The following MAPT variants were observed in gnomAD, a reference collection of about 807,000 sequenced individuals.
The protein encoded by MAPT is microtubule associated protein tau, also known as microtubule-associated protein tau.
MAPT carries 34 observed loss-of-function variants against 67.9 expected under a neutral mutation model. The ratio of observed to expected loss-of-function variants is 0.50; its 90% CI spans 0.38 to 0.67. MAPT has a LOEUF of 0.67. Among genes scored for constraint, MAPT ranks in the 30% least tolerant of loss-of-function variants. The probability of loss-of-function intolerance (pLI) is 0.00; values close to 1 mark genes in which losing one functional copy is unlikely to be tolerated. For synonymous variants in MAPT, 456 were observed against 464.5 expected, an observed-to-expected ratio of 0.98 and a Z score of 0.23; for missense variants, 881 against 1,115.2, an observed-to-expected ratio of 0.79 and a Z score of 2.99.
At chr17:45,917,149 A>T (rs949747254) in intron 1 of MAPT, among the ~76,000 whole-genome samples, 9 of 151,130 alleles carry the variant, frequency 6.0e-5, no homozygotes, top group Non-Finnish European at 1.2e-4. Flanking sequence ...AGTGAGAAGA[A>T]CTCTTTCCCT....
chr17:45,983,325 G>A lies in MAPT; in HGVS notation c.746G>A (p.Gly249Glu). The change falls in exon 5 of 13, where the codon GGA becomes GAA. Residue 249 changes from glycine to glutamate, a missense_variant. Coordinates refer to ENST00000262410, the MANE Select transcript of MAPT (RefSeq NM_001377265.1). ...REATRQPSGT[G>E]PEDTEGGRHA... Reference sequence around the variant, plus strand: ...GCCACACGCCAACCTTCGGGGACAGGACCTGAGGACACAGAGGGCGGCCGC... The same window carrying A: ...GCCACACGCCAACCTTCGGGGACAGAACCTGAGGACACAGAGGGCGGCCGC... The A allele has an allele frequency of 6.2e-7, 1 of 1,602,338 alleles. No individual in the cohort carries two copies. The highest frequency in any genetic ancestry group is 8.5e-7 in the Non-Finnish European group (1 of 1,175,028).
chr17:45,974,339 T>G, intron 3 of MAPT: 1 of 1,348,120 alleles, frequency 7.4e-7, no homozygotes, highest in East Asian at 2.5e-5. Context: ...AGGGGCTGGG[T>G]ATGGCTCGTC....
chr17:45,926,491 A>G (rs2066303158), intron 1 of MAPT, among the ~76,000 whole-genome samples: 1 of 151,438 alleles, frequency 6.6e-6, no homozygotes, highest in Non-Finnish European at 1.5e-5. Flanking sequence ...TTTATTTTTT[A>G]TTTTTAGAGA....
At chr17:45,970,990 A>T (rs1033574712) in intron 2 of MAPT, among the ~76,000 whole-genome samples, 4 of 152,136 alleles carry the variant, frequency 2.6e-5, no homozygotes, top group African/African-American at 9.7e-5. Flanking sequence ...AGAATTCTCA[A>T]CCTTCCAGAG....
At chr17:45,993,000 T>A (rs1159072884) in intron 8 of MAPT, among the ~76,000 whole-genome samples, 1 of 151,914 alleles carries the variant, frequency 6.6e-6, no homozygotes, top group African/African-American at 2.4e-5. Context: ...TCCAGGCCCC[T>A]GGGTTTAGAC....
intron 1 of MAPT, among the ~76,000 whole-genome samples, chr17:45,901,810 C>T (rs1411114868): frequency 6.6e-6 from 1 of 152,080 alleles, no homozygotes; most frequent in Non-Finnish European, 1.5e-5. Context: ...GTCTGTTTTG[C>T]CTATGCCACA....
At chr17:45,942,901 A>G (rs1163496967) in intron 1 of MAPT, among the ~76,000 whole-genome samples, 1 of 152,216 alleles carries the variant, frequency 6.6e-6, no homozygotes, top group Non-Finnish European at 1.5e-5. Flanking sequence ...ACAGCTCCTA[A>G]GTGAAGGATT....
chr17:45,943,527 GT>G (rs1449065626), intron 1 of MAPT, among the ~76,000 whole-genome samples: 1 of 152,172 alleles, frequency 6.6e-6, no homozygotes, highest in African/African-American at 2.4e-5. Flanking sequence ...AAAATTAGAA[GT>G]GAAAACATCT....
At chr17:45,909,842 C>A (rs1005978886) in intron 1 of MAPT, among the ~76,000 whole-genome samples, 4 of 140,514 alleles carry the variant, frequency 2.8e-5, no homozygotes, top group African/African-American at 1.0e-4. Context: ...TGCACTCCAG[C>A]CTGGTTGACA....
At chr17:46,015,178 G>A (rs906432267) in intron 11 of MAPT, among the ~76,000 whole-genome samples, 1 of 151,670 alleles carries the variant, frequency 6.6e-6, no homozygotes, top group Non-Finnish European at 1.5e-5. Context: ...TGGCCAACAT[G>A]GTGAAACCCC....
Position 45,990,053 on chromosome 17 carries a change from G to C in MAPT, c.1583G>C (p.Gly528Ala). The change falls in exon 7 of 13, where the codon GGA becomes GCA. Residue 528 changes from glycine (G) to alanine (A), a missense_variant. By Grantham distance (60) the Gly-to-Ala change is moderately conservative. Transcript: ENST00000262410. ...GTCACTTCCCGAACTGGCAGTTCTG[G>C]AGCAAAGGAGATGAAACTCAAGGTA... ...SSVTSRTGSS[G>A]AKEMKLKGAD... 6.2e-7 allele frequency: 1 copy of C among 1,614,136 alleles called. No individual in the cohort carries two copies. Among genetic ancestry groups the C allele is most frequent in the Non-Finnish European group, 8.5e-7 (1 of 1,180,030 alleles).
chr17:45,949,885 C>T (rs1413756960), intron 1 of MAPT, among the ~76,000 whole-genome samples: 3 of 152,298 alleles, frequency 2.0e-5, no homozygotes, highest in East Asian at 1.9e-4. Context: ...AGCCCCAGAT[C>T]GTGGGAAACC....
chr17:45,982,930 C>G lies in MAPT; in HGVS notation c.351C>G (p.Ser117Arg), dbSNP rs796680326. The G allele has an allele frequency of 1.8e-5, 25 of 1,391,642 alleles. No individual in the cohort carries two copies. The highest frequency in any genetic ancestry group is 2.2e-5 in the Non-Finnish European group (24 of 1,074,910). The allele number at this position is 1,391,642 out of a possible 1,614,324, so 86.2% of individuals were successfully genotyped here. Residue 117 changes from serine (S) to arginine (R), a missense_variant, in exon 5 of 13, where the codon AGC becomes AGG. By Grantham distance (110) the Ser-to-Arg change is moderately radical. Around this residue, in one of 6 missense-constraint regions of MAPT, gnomAD observed 687 missense variants for 766.1 expected, o/e 0.90. Transcript: ENST00000262410. ...APERPLANEI[S>R]AHVQPGPCGE... ...AAAGGCCCCTGGCCAATGAGATTAG[C>G]GCCCACGTCCAGCCTGGACCCTGCG...
intron 2 of MAPT, among the ~76,000 whole-genome samples, chr17:45,963,374 A>C (rs1230033372): frequency 6.6e-6 from 1 of 151,992 alleles, no homozygotes; most frequent in African/African-American, 2.4e-5. Context: ...CTGGCCCTTC[A>C]CCCACTGCTG....
At chr17:45,946,423 G>A (rs1180943776) in intron 1 of MAPT, among the ~76,000 whole-genome samples, 2 of 151,390 alleles carry the variant, frequency 1.3e-5, no homozygotes, top group Non-Finnish European at 2.9e-5. Flanking sequence ...CCAACATGGT[G>A]AAACCTTGTC....
chr17:46,008,229 TG>T (rs1568323847), intron 9 of MAPT, among the ~76,000 whole-genome samples: 1 of 152,162 alleles, frequency 6.6e-6, no homozygotes, highest in Non-Finnish European at 1.5e-5. Context: ...CCCGAGTAGC[TG>T]GGTTGCGCAC....
At chr17:45,961,038 ACTT>A (rs1329659595) in intron 1 of MAPT, among the ~76,000 whole-genome samples, 6 of 151,992 alleles carry the variant, frequency 3.9e-5, no homozygotes, top group Non-Finnish European at 8.8e-5. Context: ...TGCTCATTAA[ACTT>A]CTTAGTGTTC....
intron 1 of MAPT, among the ~76,000 whole-genome samples, chr17:45,932,328 C>T (rs570635046): frequency 1.4e-4 from 21 of 152,124 alleles, no homozygotes; most frequent in African/African-American, 2.9e-4. Context: ...CGGTGGCTCA[C>T]GCCTGTAATC....
chr17:45,911,414 G>C (rs1294295685), intron 1 of MAPT, among the ~76,000 whole-genome samples: 1 of 152,188 alleles, frequency 6.6e-6, no homozygotes, highest in Admixed American at 6.5e-5. Flanking sequence ...AGGATCTCTT[G>C]AGCCCAGGAG....
Sources: gnomAD v4.1 joint callset for allele counts (sites outside exome capture counted in the v4.1 genomes callset) on GRCh38, gnomAD v4.1.1 for gene constraint, gnomAD v4.1.1 regional missense constraint, MANE v1.5 for transcripts, NCBI Gene and HGNC (gene_info 2026-07-23, HGNC 2026-07-21) for gene names.